The following CCDC91 variants were observed in gnomAD, a reference collection of about 807,000 sequenced individuals.
CCDC91 encodes coiled-coil domain containing 91.
In CCDC91, 48 loss-of-function variants were observed where a neutral mutation model predicts 63.2. The observed-to-expected ratio is 0.76, with a 90% CI of 0.60 to 0.97. The LOEUF is 0.97. Ranked by LOEUF, CCDC91 falls within the 50% of genes least tolerant of loss-of-function variation. The pLI is 0.00. For missense variants in CCDC91, 500 were observed against 494.6 expected (o/e 1.01, Z -0.10); for synonymous variants, 167 against 165.8 (o/e 1.01, Z -0.06).
intron 6 of CCDC91, among the ~76,000 whole-genome samples, chr12:28,315,530 G>A (rs1015517766): frequency 3.3e-5 from 5 of 151,938 alleles, no homozygotes; most frequent in Admixed American, 1.3e-4. Context: ...GCTTTATACA[G>A]TAGTTTTCAT....
intron 1 of CCDC91, among the ~76,000 whole-genome samples, chr12:28,208,771 T>C (rs549235009): frequency 6.6e-6 from 1 of 152,290 alleles, no homozygotes; most frequent in African/African-American, 2.4e-5. Flanking sequence ...GGTAGTTTAT[T>C]CAAAAGGCAA....
intron 3 of CCDC91, among the ~76,000 whole-genome samples, chr12:28,273,390 T>C (rs1592166740): frequency 6.6e-6 from 1 of 152,302 alleles, no homozygotes; most frequent in South Asian, 2.1e-4. Flanking sequence ...GTATTTCTAG[T>C]TCTAGATCCC....
intron 1 of CCDC91, among the ~76,000 whole-genome samples, chr12:28,221,107 C>T (rs1439974549): frequency 1.3e-5 from 2 of 151,750 alleles, no homozygotes; most frequent in South Asian, 2.1e-4. Flanking sequence ...GTATTTTTTC[C>T]TCTCTGTACT....
At chr12:28,190,723 G>GGAGCGCGGAC (rs1402303404) in intron 1 of CCDC91, 82 bp downstream of exon 1, 9 of 148,374 alleles carry the variant, frequency 6.1e-5, no homozygotes, top group Admixed American at 1.3e-4. Flanking sequence ...CACCGGGGGA[G>GGAGCGCGGAC]GAGCGCGGAC....
intron 12 of CCDC91, among the ~76,000 whole-genome samples, chr12:28,499,736 G>C (rs1218793165): frequency 1.3e-5 from 2 of 152,090 alleles, no homozygotes; most frequent in Admixed American, 1.3e-4. Context: ...TCTTTATCCA[G>C]TCTATCAATG....
At chr12:28,214,821 A>G (rs1159529823) in intron 1 of CCDC91, among the ~76,000 whole-genome samples, 8 of 152,100 alleles carry the variant, frequency 5.3e-5, no homozygotes, top group Admixed American at 5.2e-4. Context: ...TGGAATTATG[A>G]CCTTGTTATT....
At chr12:28,202,097 T>G (rs1356330772) in intron 1 of CCDC91, among the ~76,000 whole-genome samples, 2 of 151,436 alleles carry the variant, frequency 1.3e-5, no homozygotes, top group South Asian at 4.2e-4. Flanking sequence ...CCACAATGTT[T>G]GTTTCTTTAT....
chr12:28,276,550 T>C (rs1948239575), intron 3 of CCDC91, among the ~76,000 whole-genome samples: 1 of 151,994 alleles, frequency 6.6e-6, no homozygotes, highest in South Asian at 2.1e-4. Flanking sequence ...GTGTAACTCA[T>C]AAATTGATAA....
chr12:28,275,667 A>C (rs1259828826), intron 3 of CCDC91, among the ~76,000 whole-genome samples: 1 of 152,126 alleles, frequency 6.6e-6, no homozygotes, highest in Non-Finnish European at 1.5e-5. Context: ...AGACACAACA[A>C]AAAAAGAGAA....
chr12:28,462,982 C>T (rs1950380114), intron 11 of CCDC91, among the ~76,000 whole-genome samples: 1 of 152,094 alleles, frequency 6.6e-6, no homozygotes, highest in Non-Finnish European at 1.5e-5. Context: ...TCATTCCAAG[C>T]TCAGAGAGCA....
chr12:28,476,423 A>G (rs1460802089), intron 11 of CCDC91, among the ~76,000 whole-genome samples: 1 of 152,208 alleles, frequency 6.6e-6, no homozygotes, highest in Non-Finnish European at 1.5e-5. Context: ...GAAACCAGCG[A>G]GAACAAAGGC....
chr12:28,397,626 GTAAATATAATTT>G (rs771803657), intron 8 of CCDC91, among the ~76,000 whole-genome samples: 1 of 152,102 alleles, frequency 6.6e-6, no homozygotes, highest in African/African-American at 2.4e-5. Context: ...GTGTATAGAT[GTAAATATAATTT>G]TAAATACTAT....
At chr12:28,365,980 A>G (rs1944246607) in intron 7 of CCDC91, among the ~76,000 whole-genome samples, 1 of 152,106 alleles carries the variant, frequency 6.6e-6, no homozygotes, top group East Asian at 1.9e-4. Flanking sequence ...ATTGTTGAGG[A>G]GTTTGAAAAA....
At chr12:28,200,660 T>A (rs1476056320) in intron 1 of CCDC91, among the ~76,000 whole-genome samples, 1 of 151,354 alleles carries the variant, frequency 6.6e-6, no homozygotes, top group East Asian at 1.9e-4. Flanking sequence ...ATGAAAAGTC[T>A]CCCATGTCTA....
intron 12 of CCDC91, among the ~76,000 whole-genome samples, chr12:28,490,212 G>C (rs376561355): frequency 1.3e-5 from 2 of 151,808 alleles, no homozygotes; most frequent in African/African-American, 4.8e-5. Context: ...CTGTGTAGTT[G>C]TATGTGCAAG....
At chr12:28,393,137 G>GT (rs1296325574) in intron 8 of CCDC91, among the ~76,000 whole-genome samples, 2 of 152,128 alleles carry the variant, frequency 1.3e-5, no homozygotes, top group Non-Finnish European at 2.9e-5. Context: ...GGTCTTGTAG[G>GT]TTTTTTATTT....
chr12:28,471,581 T>C (rs11049643), intron 11 of CCDC91, among the ~76,000 whole-genome samples: 31,709 of 152,104 alleles, frequency 0.21, 4,332 homozygotes, highest in Non-Finnish European at 0.31. Context: ...CAGTCCAGTT[T>C]GGAGATAGGT....
chr12:28,508,083 C>T (rs1341200651), intron 12 of CCDC91, among the ~76,000 whole-genome samples: 1 of 151,892 alleles, frequency 6.6e-6, no homozygotes, highest in Non-Finnish European at 1.5e-5. Context: ...ACCACTACTT[C>T]CAGCAGCTGG....
At chr12:28,346,168 C>A in intron 6 of CCDC91, among the ~76,000 whole-genome samples, 1 of 152,214 alleles carries the variant, frequency 6.6e-6, no homozygotes, top group East Asian at 1.9e-4. Context: ...AGTGTCCTGG[C>A]GCTATGCTGG....
Sources: gnomAD v4.1 joint callset for allele counts (sites outside exome capture counted in the v4.1 genomes callset) on GRCh38, gnomAD v4.1.1 for gene constraint, MANE v1.5 for transcripts, NCBI Gene and HGNC (gene_info 2026-07-23, HGNC 2026-07-21) for gene names.